TENM1: variants seen among roughly 807,000 people sequenced by gnomAD.
The protein encoded by TENM1 is teneurin-1.
In TENM1, 35 loss-of-function variants were observed where a neutral mutation model predicts 174.8. That is an observed-to-expected ratio of 0.20 (90% CI 0.15 to 0.27). The LOEUF (loss-of-function observed/expected upper bound fraction) is 0.27, where lower values mean the gene tolerates loss of function less well. Ranked by LOEUF, TENM1 falls within the 10% of genes least tolerant of loss-of-function variation. TENM1 has a pLI of 1.00. For missense variants in TENM1, 1,633 were observed against 2,130.1 expected, an observed-to-expected ratio of 0.77 and a Z score of 4.59; for synonymous variants, 781 against 798.7, an observed-to-expected ratio of 0.98 and a Z score of 0.37.
chrX:125,197,659 C>A, the TENM1 span, among the ~76,000 whole-genome samples: 1 of 111,771 alleles, frequency 8.9e-6, no homozygotes, highest in Admixed American at 9.5e-5. Flanking sequence ...GAATAAAATA[C>A]ACGTAATTCA....
chrX:125,056,516 C>T, the TENM1 span, among the ~76,000 whole-genome samples: 1 of 111,017 alleles, frequency 9.0e-6, no homozygotes, highest in Non-Finnish European at 1.9e-5. Flanking sequence ...CAGGAAAATC[C>T]AGGGGCTCTT....
At chrX:124,928,801 C>T (rs937626921) in intron 1 of TENM1, among the ~76,000 whole-genome samples, 1 of 111,448 alleles carries the variant, frequency 9.0e-6, no homozygotes, top group South Asian at 3.8e-4. Flanking sequence ...TCCAGTAAAT[C>T]AGTACCATAT....
rs1412565262 is a variant in TENM1 at position 124,584,553 on chromosome X, A to T, written c.2078-18993T>A. Among the ~76,000 whole-genome samples the T allele has an allele frequency of 4.5e-5, 5 of 111,699 alleles. No homozygotes were observed. The Admixed American group carries it at 4.8e-4, about 11-fold the overall frequency. On this transcript the variant is annotated intron_variant, in intron 11 of 31. Transcript: ENST00000422452. Reference sequence around the variant, plus strand: ...GAAGGAAGCACTAAACATGGAAAGGAACAACTGGCACCAGCCACTGCAAAA... The same window carrying T: ...GAAGGAAGCACTAAACATGGAAAGGTACAACTGGCACCAGCCACTGCAAAA...
intron 11 of TENM1, among the ~76,000 whole-genome samples, chrX:124,589,717 T>C (rs1439058727): frequency 3.6e-5 from 4 of 111,659 alleles, no homozygotes; most frequent in Non-Finnish European, 7.5e-5. Flanking sequence ...GTGTTAATAA[T>C]AGTCTCTGAG....
chrX:124,495,603 A>T (rs2047181269), intron 20 of TENM1, among the ~76,000 whole-genome samples: 1 of 110,296 alleles, frequency 9.1e-6, no homozygotes, highest in African/African-American at 3.3e-5. Context: ...CTATGTCCTG[A>T]ATGGTAATGC....
intron 4 of TENM1, among the ~76,000 whole-genome samples, chrX:124,731,315 A>G (rs577501742): frequency 2.3e-4 from 26 of 112,320 alleles, no homozygotes; most frequent in African/African-American, 6.5e-4. Flanking sequence ...TTTGTGAAAA[A>G]GAATGATGAT....
At chrX:124,424,241 A>AAACTTAATC (rs1319051208) in intron 23 of TENM1, among the ~76,000 whole-genome samples, 2 of 112,718 alleles carry the variant, frequency 1.8e-5, no homozygotes, top group Non-Finnish European at 3.8e-5. Flanking sequence ...CATGTGTTGG[A>AAACTTAATC]AACTTAATCC....
chrX:124,721,450 C>T (rs2053306958), intron 4 of TENM1, among the ~76,000 whole-genome samples: 1 of 111,969 alleles, frequency 8.9e-6, no homozygotes, highest in African/African-American at 3.2e-5. Flanking sequence ...GTAAAAAGTT[C>T]TATTTAACCT....
At chrX:124,917,751 AC>A (rs1475542988) in intron 1 of TENM1, among the ~76,000 whole-genome samples, 2 of 110,948 alleles carry the variant, frequency 1.8e-5, no homozygotes, top group Non-Finnish European at 3.8e-5. Flanking sequence ...GACTCTGAAC[AC>A]CCCTGTCTAA....
At chrX:124,734,447 C>CAAATAAATAAAT (rs76682292) in intron 4 of TENM1, among the ~76,000 whole-genome samples, 84 of 104,378 alleles carry the variant, frequency 8.0e-4, no homozygotes, top group African/African-American at 2.3e-3. Context: ...GAGACTGTCT[C>CAAATAAATAAAT]AAATAAATAA....
chrX:124,544,546 C>T, intron 15 of TENM1, among the ~76,000 whole-genome samples: 1 of 112,397 alleles, frequency 8.9e-6, no homozygotes, highest in Admixed American at 9.4e-5. Context: ...TCATGAGTCA[C>T]TCAATTGTGA....
Position 124,422,414 on chromosome X carries a change from G to A in TENM1, c.4329C>T (p.Ser1443=), listed in dbSNP as rs754649132. 2.2e-4 allele frequency: 268 copies of A among 1,209,508 alleles called. No individual in the cohort carries two copies. Among genetic ancestry groups the A allele is most frequent in the Non-Finnish European group, 2.8e-4 (250 of 895,094 alleles). Residue 1443 remains serine, a synonymous_variant, in exon 24 of 32, where the codon AGC becomes AGT. Coordinates refer to ENST00000422452, the Ensembl canonical transcript of TENM1. ...CTGTTTCAGCTATGAAGAGCAGCCC[G>A]CTGTGGGAGACACTGATGGCCCTCG... is the stretch of plus-strand genomic sequence containing the variant.
At chrX:124,805,344 AT>A (rs1158427425) in intron 3 of TENM1, among the ~76,000 whole-genome samples, 1 of 112,521 alleles carries the variant, frequency 8.9e-6, no homozygotes, top group Admixed American at 9.4e-5. Flanking sequence ...ACAAATAGGC[AT>A]TAATAGAAGC....
At chrX:124,444,814 T>G (rs2060948574) in intron 23 of TENM1, among the ~76,000 whole-genome samples, 2 of 111,083 alleles carry the variant, frequency 1.8e-5, no homozygotes, top group African/African-American at 3.3e-5. Flanking sequence ...CTCAAAACCA[T>G]GTAAAATGAA....
At chrX:125,007,617 T>C in the TENM1 span, among the ~76,000 whole-genome samples, 1 of 110,406 alleles carries the variant, frequency 9.1e-6, no homozygotes, top group Non-Finnish European at 1.9e-5. Context: ...GGGGAAAAAA[T>C]GTTAAAGGCA....
chrX:125,079,532 T>G, the TENM1 span, among the ~76,000 whole-genome samples: 3 of 112,113 alleles, frequency 2.7e-5, no homozygotes, highest in African/African-American at 9.7e-5. Context: ...ATATATGATT[T>G]ATATTGAATG....
chrX:124,906,355 T>G (rs2057748860), intron 1 of TENM1, among the ~76,000 whole-genome samples: 2 of 112,250 alleles, frequency 1.8e-5, no homozygotes, highest in Non-Finnish European at 1.9e-5. Context: ...CATTATAAGT[T>G]GAACCATTGT....
At chrX:124,954,638 G>T (rs1166467868) in intron 1 of TENM1, among the ~76,000 whole-genome samples, 2 of 111,571 alleles carry the variant, frequency 1.8e-5, no homozygotes, top group African/African-American at 6.5e-5. Flanking sequence ...AGGGTGAAAT[G>T]TAGGGGCAGA....
At chrX:124,782,705 C>G (rs1018028713) in intron 3 of TENM1, among the ~76,000 whole-genome samples, 2 of 110,482 alleles carry the variant, frequency 1.8e-5, no homozygotes, top group Non-Finnish European at 3.8e-5. Flanking sequence ...TTAAAAAAAT[C>G]TATGTCATAG....
Sources: allele counts gnomAD v4.1 joint callset (sites outside exome capture counted in the v4.1 genomes callset), GRCh38; gene constraint gnomAD v4.1.1; transcripts MANE v1.5; gene names NCBI Gene and HGNC (gene_info 2026-07-23, HGNC 2026-07-21).